CSNK1G1: variants seen among roughly 807,000 people sequenced by gnomAD.
CSNK1G1 encodes the protein casein kinase I isoform gamma-1.
Under a neutral mutation model 59.6 loss-of-function variants are expected in CSNK1G1, and 22 were observed. That is an observed-to-expected ratio of 0.37 (90% CI 0.26 to 0.53). The LOEUF is 0.53. CSNK1G1 is among the 20% of genes least tolerant of loss of function. The probability of loss-of-function intolerance (pLI) is 0.89; values close to 1 mark genes in which losing one functional copy is unlikely to be tolerated. For missense variants in CSNK1G1, 384 were observed against 519.5 expected, an observed-to-expected ratio of 0.74 and a Z score of 2.54; for synonymous variants, 179 against 177.1, an observed-to-expected ratio of 1.01 and a Z score of -0.08.
At chr15:64,351,091 C>T (rs1458461404) in intron 1 of CSNK1G1, among the ~76,000 whole-genome samples, 1 of 152,146 alleles carries the variant, frequency 6.6e-6, no homozygotes, top group Non-Finnish European at 1.5e-5. Flanking sequence ...AAATCTATGA[C>T]ACCAGCCTTT....
chr15:64,324,717 T>C (rs1160948554), intron 1 of CSNK1G1, among the ~76,000 whole-genome samples: 1 of 152,236 alleles, frequency 6.6e-6, no homozygotes, highest in Non-Finnish European at 1.5e-5. Context: ...CCTTCATATA[T>C]ACATATATTC....
At position 64,277,649 on chromosome 15, in the gene CSNK1G1, TAATATAGCA is replaced by T. The variant is rs1357310174; in HGVS notation, c.182-18417_182-18409del. Reference sequence around the variant, plus strand: ...AATATATTAATATTAATATATTTAATAATATAGCAATATTGATATATTTAATAATATAGC... The same window carrying T: ...AATATATTAATATTAATATATTTAATATATTGATATATTTAATAATATAGC... On this transcript the variant is annotated intron_variant, in intron 2 of 11. Transcript: ENST00000303052. Among the ~76,000 whole-genome samples, 209 of 129,488 alleles carry T rather than the reference TAATATAGCA, an allele frequency of 1.6e-3. 1 individual carries two copies. Among genetic ancestry groups the T allele is most frequent in the African/African-American group, 6.2e-3 (205 of 33,078 alleles). The allele number at this position is 129,488 out of a possible 152,430, so 84.9% of individuals were successfully genotyped here. A position where few individuals can be genotyped will look rare whatever the true frequency, so the allele number is the denominator to read the frequency against.
rs751689351 is a variant in CSNK1G1, at chr15:64,214,659, CATT to C, written c.445-538_445-536del. ...TAGCAGCAGAGACAGGGAAACAGTTCATTATTATTATTATTATTTTTGAGACGG... is the reference window on the plus strand; with the variant it reads ...TAGCAGCAGAGACAGGGAAACAGTTCATTATTATTATTATTTTTGAGACGG... On this transcript the variant is annotated intron_variant, in intron 5 of 11. Coordinates refer to ENST00000303052, the MANE Select transcript of CSNK1G1 (RefSeq NM_022048.5). The surrounding 1 kb of genome is among the most constrained non-coding windows in gnomAD (Gnocchi z 4.3). 1.3e-5 allele frequency among the ~76,000 whole-genome samples: 2 copies of C among 151,928 alleles called. No individual in the cohort carries two copies. The highest frequency in any genetic ancestry group is 4.8e-5 in the African/African-American group (2 of 41,380).
chr15:64,212,199 C>T (rs1253879461), intron 6 of CSNK1G1, among the ~76,000 whole-genome samples: 1 of 152,114 alleles, frequency 6.6e-6, no homozygotes, highest in African/African-American at 2.4e-5. Flanking sequence ...TACCAGAGGA[C>T]CTCTAGTCTA....
intron 10 of CSNK1G1, among the ~76,000 whole-genome samples, chr15:64,185,591 C>T (rs1329041522): frequency 6.6e-6 from 1 of 152,050 alleles, no homozygotes; most frequent in Non-Finnish European, 1.5e-5. Flanking sequence ...AGGCCAGGCA[C>T]GGTGGCTCAC....
At chr15:64,268,522 A>C (rs1451298013) in intron 2 of CSNK1G1, among the ~76,000 whole-genome samples, 4 of 152,164 alleles carry the variant, frequency 2.6e-5, no homozygotes, top group Non-Finnish European at 5.9e-5. Flanking sequence ...TAGAGTTTGC[A>C]TGTTCTCCTC....
intron 1 of CSNK1G1, among the ~76,000 whole-genome samples, chr15:64,309,124 A>G (rs756212454): frequency 3.9e-5 from 6 of 152,108 alleles, no homozygotes; most frequent in Non-Finnish European, 8.8e-5. Flanking sequence ...TCTATTTCCC[A>G]AAACAAGCAA....
intron 1 of CSNK1G1, among the ~76,000 whole-genome samples, chr15:64,352,441 A>ACTC (rs1898348081): frequency 4.3e-5 from 4 of 93,036 alleles, no homozygotes; most frequent in Non-Finnish European, 6.6e-5. Context: ...CATAATTTGA[A>ACTC]TTCTTCTTTT....
chr15:64,309,387 TGAACA>T (rs1013820719), intron 1 of CSNK1G1, among the ~76,000 whole-genome samples: 4 of 150,854 alleles, frequency 2.7e-5, no homozygotes, highest in Admixed American at 2.6e-4. Context: ...TTTCAACCAA[TGAACA>T]GATCTCACAA....
At chr15:64,202,626 C>T (rs2082123047) in intron 10 of CSNK1G1, among the ~76,000 whole-genome samples, 1 of 151,432 alleles carries the variant, frequency 6.6e-6, no homozygotes. Flanking sequence ...AATCTTGGCT[C>T]TCTGCTGCCT....
At chr15:64,204,384 G>T (rs2082149838) in intron 9 of CSNK1G1, 57 bp downstream of exon 9, 1 of 1,405,618 alleles carries the variant, frequency 7.1e-7, no homozygotes, top group Non-Finnish European at 9.6e-7. Flanking sequence ...ATGAGGCAGT[G>T]CTGGTTGGAG....
intron 6 of CSNK1G1, among the ~76,000 whole-genome samples, chr15:64,212,930 C>T (rs569224343): frequency 2.6e-4 from 40 of 152,190 alleles, no homozygotes; most frequent in African/African-American, 8.4e-4. Flanking sequence ...TGCTTGAACC[C>T]GCGAGGCAGA....
At chr15:64,213,724 T>C (rs947143708) in intron 6 of CSNK1G1, among the ~76,000 whole-genome samples, 166 bp downstream of exon 6, 9 of 152,244 alleles carry the variant, frequency 5.9e-5, no homozygotes, top group African/African-American at 2.2e-4. Context: ...ATAGGATTCT[T>C]TGAAAAGTCA....
In CSNK1G1 at chr15:64,235,275, T is replaced by C. The variant is rs578091347; in HGVS notation, c.292+16237A>G. On this transcript the variant is annotated intron_variant, in intron 4 of 11. Coordinates refer to ENST00000303052, the MANE Select transcript of CSNK1G1 (RefSeq NM_022048.5). ...AGCTAATTTAAATAGATGCTGTTAT[T>C]TGCAATCAAAACAGTGTTGACTAAG... 3.9e-5 allele frequency among the ~76,000 whole-genome samples: 6 copies of C among 152,332 alleles called. No homozygotes were observed. The South Asian group carries it at 1.2e-3, about 32-fold the overall frequency.
intron 1 of CSNK1G1, among the ~76,000 whole-genome samples, chr15:64,343,866 G>C (rs1269927422): frequency 6.6e-6 from 1 of 151,538 alleles, no homozygotes; most frequent in East Asian, 1.9e-4. Flanking sequence ...CACTGATTGT[G>C]AGTTCAAATT....
intron 3 of CSNK1G1, among the ~76,000 whole-genome samples, chr15:64,253,077 G>A (rs1892177571): frequency 6.6e-6 from 1 of 152,108 alleles, no homozygotes; most frequent in Admixed American, 6.5e-5. Context: ...GGGCATGGTG[G>A]CTCATGCCTG....
chr15:64,175,884 G>A (rs1230090780), intron 11 of CSNK1G1, among the ~76,000 whole-genome samples: 1 of 152,234 alleles, frequency 6.6e-6, no homozygotes, highest in Admixed American at 6.5e-5. Context: ...TATCCTTGCG[G>A]CTGTGAGTAA....
intron 6 of CSNK1G1, among the ~76,000 whole-genome samples, chr15:64,208,889 CTT>C (rs201279267): frequency 5.5e-4 from 75 of 136,462 alleles, no homozygotes; most frequent in Middle Eastern, 3.8e-3. Context: ...TTTCTTTTTT[CTT>C]TTTTTTTTTT....
chr15:64,240,399 T>C lies in CSNK1G1; in HGVS notation c.292+11113A>G, dbSNP rs531956454. 5.9e-5 allele frequency among the ~76,000 whole-genome samples: 9 copies of C among 152,284 alleles called. 1 individual carries two copies. Among genetic ancestry groups the C allele is most frequent in the African/African-American group, 1.9e-4 (8 of 41,564 alleles). On this transcript the variant is annotated intron_variant, in intron 4 of 11. Transcript: ENST00000303052. Reference sequence around the variant, plus strand: ...TTTAATGAAATAACAACTGAAAATTTTTCATGTCTAAGGAGAGATATGAAC... The same window carrying C: ...TTTAATGAAATAACAACTGAAAATTCTTCATGTCTAAGGAGAGATATGAAC...
Sources: allele counts gnomAD v4.1 joint callset (sites outside exome capture counted in the v4.1 genomes callset), GRCh38; gene constraint gnomAD v4.1.1; non-coding constraint Gnocchi (gnomAD v3.1); transcripts MANE v1.5; gene names NCBI Gene and HGNC (gene_info 2026-07-23, HGNC 2026-07-21).